Variants in NR3C2 observed in about 807,000 individuals in gnomAD.
NR3C2 encodes the protein mineralocorticoid receptor.
NR3C2 carries 15 observed loss-of-function variants against 86.4 expected under a neutral mutation model. The ratio of observed to expected loss-of-function variants is 0.17; its 90% CI spans 0.12 to 0.27. NR3C2 has a LOEUF of 0.27. NR3C2 is among the 10% of genes least tolerant of loss of function. The probability of loss-of-function intolerance (pLI) is 1.00; values close to 1 mark genes in which losing one functional copy is unlikely to be tolerated. For synonymous variants in NR3C2, 458 were observed against 450.5 expected (o/e 1.02, Z -0.21); for missense variants, 960 against 1,195.6 (o/e 0.80, Z 2.91).
At chr4:148,395,801 A>T (rs1299778011) in intron 2 of NR3C2, among the ~76,000 whole-genome samples, 1 of 152,226 alleles carries the variant, frequency 6.6e-6, no homozygotes, top group Non-Finnish European at 1.5e-5. Flanking sequence ...AAAGAACACT[A>T]AATATATCAG....
intron 4 of NR3C2, among the ~76,000 whole-genome samples, chr4:148,193,373 G>GT (rs1736293879): frequency 6.6e-6 from 1 of 152,212 alleles, no homozygotes; most frequent in Non-Finnish European, 1.5e-5. Flanking sequence ...CCTTCAGAGG[G>GT]TCTGTGGGTC....
At chr4:148,356,148 A>C (rs909225256) in intron 2 of NR3C2, among the ~76,000 whole-genome samples, 8 of 152,224 alleles carry the variant, frequency 5.3e-5, no homozygotes, top group Non-Finnish European at 1.2e-4. Flanking sequence ...AAAGAGACAA[A>C]TTTAAAAAAC....
intron 6 of NR3C2, among the ~76,000 whole-genome samples, chr4:148,139,443 C>T (rs142150326): frequency 1.3e-5 from 2 of 152,194 alleles, no homozygotes; most frequent in Non-Finnish European, 2.9e-5. Context: ...TTCAAAATCT[C>T]CCTCTAAACT....
At position 148,435,411 on chromosome 4, in the gene NR3C2, A is replaced by G. The variant is rs1173201341; in HGVS notation, c.1450T>C (p.Cys484Arg). Reference protein sequence around the residue: ...GPPVPGFDGNCEGSGFPVGIK... With the variant: ...GPPVPGFDGNREGSGFPVGIK... ...CCCACTGGGAATCCGCTGCCTTCACAGTTACCATCAAAGCCGGGCACAGGT... is the reference window on the plus strand; with the variant it reads ...CCCACTGGGAATCCGCTGCCTTCACGGTTACCATCAAAGCCGGGCACAGGT... The change falls in exon 2 of 9, where the codon TGT becomes CGT. Residue 484 changes from cysteine (C) to arginine (R), a missense_variant. This residue lies in a region of NR3C2 where 680 missense variants were observed against 719.0 expected (regional missense o/e 0.95). Coordinates refer to ENST00000358102, the MANE Select transcript of NR3C2 (RefSeq NM_000901.5). 6.2e-7 allele frequency: 1 copy of G among 1,614,200 alleles called. No homozygotes were observed. Among genetic ancestry groups the G allele is most frequent in the South Asian group, 1.1e-5 (1 of 91,084 alleles).
intron 4 of NR3C2, among the ~76,000 whole-genome samples, chr4:148,175,341 A>G (rs753332983): frequency 6.6e-6 from 1 of 152,192 alleles, no homozygotes; most frequent in Non-Finnish European, 1.5e-5. Context: ...CCCGTGCTCC[A>G]TTCAGATTTA....
At chr4:148,294,356 G>A (rs1377192846) in intron 2 of NR3C2, among the ~76,000 whole-genome samples, 11 of 152,022 alleles carry the variant, frequency 7.2e-5, no homozygotes. Flanking sequence ...CTACATGGTA[G>A]TTCCATCCTT....
intron 2 of NR3C2, among the ~76,000 whole-genome samples, chr4:148,277,794 A>G (rs2149892795): frequency 6.6e-6 from 1 of 152,288 alleles, no homozygotes; most frequent in South Asian, 2.1e-4. Flanking sequence ...CATTCATGCC[A>G]GACACCCTGC....
chr4:148,254,833 A>T (rs1009665683), intron 3 of NR3C2, among the ~76,000 whole-genome samples: 1 of 152,208 alleles, frequency 6.6e-6, no homozygotes, highest in African/African-American at 2.4e-5. Context: ...TCAGATGCTC[A>T]TAAGCTTCCT....
intron 2 of NR3C2, among the ~76,000 whole-genome samples, chr4:148,412,204 A>AT (rs920594968): frequency 1.1e-4 from 16 of 152,118 alleles, no homozygotes; most frequent in African/African-American, 3.6e-4. Flanking sequence ...AGCACTGACC[A>AT]TTGCTGCACA....
chr4:148,244,612 T>C (rs1165930560), intron 3 of NR3C2, among the ~76,000 whole-genome samples: 1 of 152,210 alleles, frequency 6.6e-6, no homozygotes, highest in Non-Finnish European at 1.5e-5. Context: ...GGAACACACA[T>C]GCAGGGTCTT....
At chr4:148,387,258 G>T (rs1561078318) in intron 2 of NR3C2, among the ~76,000 whole-genome samples, 1 of 152,146 alleles carries the variant, frequency 6.6e-6, no homozygotes, top group Non-Finnish European at 1.5e-5. Flanking sequence ...TTGCCACCAT[G>T]AGGCAACAAG....
At chr4:148,297,889 CA>C (rs80142284) in intron 2 of NR3C2, among the ~76,000 whole-genome samples, 1,716 of 103,476 alleles carry the variant, frequency 0.017, 21 homozygotes, top group African/African-American at 0.046. Context: ...AACTCCGTCT[CA>C]AAAAAAAAAA....
At chr4:148,415,870 A>G (rs1266810808) in intron 2 of NR3C2, among the ~76,000 whole-genome samples, 1 of 152,246 alleles carries the variant, frequency 6.6e-6, no homozygotes, top group Non-Finnish European at 1.5e-5. Flanking sequence ...GTAAATACAA[A>G]AAGAAAAATA....
intron 4 of NR3C2, among the ~76,000 whole-genome samples, chr4:148,185,943 T>C (rs74978550): frequency 6.6e-6 from 1 of 152,208 alleles, no homozygotes; most frequent in Non-Finnish European, 1.5e-5. Flanking sequence ...GTAGAGATCA[T>C]TTCTAGCATT....
intron 6 of NR3C2, among the ~76,000 whole-genome samples, chr4:148,133,530 C>A (rs965250094): frequency 1.3e-5 from 2 of 152,180 alleles, no homozygotes; most frequent in African/African-American, 4.8e-5. Context: ...AATTTAGAAA[C>A]GTTACCAGAC....
intron 3 of NR3C2, among the ~76,000 whole-genome samples, chr4:148,248,000 A>C (rs1739400739): frequency 1.3e-5 from 2 of 152,144 alleles, no homozygotes; most frequent in African/African-American, 4.8e-5. Flanking sequence ...AACATAAGTA[A>C]TTTTGAATTT....
chr4:148,270,883 T>C (rs1324769113), intron 2 of NR3C2, among the ~76,000 whole-genome samples: 1 of 152,212 alleles, frequency 6.6e-6, no homozygotes, highest in Non-Finnish European at 1.5e-5. Context: ...CAGGAAATAG[T>C]TGTTTCCTAC....
intron 2 of NR3C2, among the ~76,000 whole-genome samples, chr4:148,266,944 G>C (rs1212485153): frequency 6.6e-6 from 1 of 152,196 alleles, no homozygotes; most frequent in East Asian, 1.9e-4. Context: ...ATCTAAGATG[G>C]GGGGAAGAGC....
intron 2 of NR3C2, among the ~76,000 whole-genome samples, chr4:148,361,582 C>T (rs1001865818): frequency 1.6e-4 from 24 of 152,300 alleles, no homozygotes; most frequent in African/African-American, 5.8e-4. Flanking sequence ...TTAATCTCAA[C>T]TCTGACACCT....
Sources: allele counts gnomAD v4.1 joint callset (sites outside exome capture counted in the v4.1 genomes callset), GRCh38; gene constraint gnomAD v4.1.1; regional missense constraint gnomAD v4.1.1; transcripts MANE v1.5; gene names NCBI Gene and HGNC (gene_info 2026-07-23, HGNC 2026-07-21).